Variants in ADAM19 observed in about 807,000 individuals in gnomAD.
ADAM19 encodes ADAM metallopeptidase domain 19, also known as disintegrin and metalloproteinase domain-containing protein 19.
Under a neutral mutation model 114.7 loss-of-function variants are expected in ADAM19, and 65 were observed. That is an observed-to-expected ratio of 0.57 (90% CI 0.46 to 0.70). The LOEUF is 0.70. Among genes scored for constraint, ADAM19 ranks in the 30% least tolerant of loss-of-function variants. The probability of loss-of-function intolerance (pLI) is 0.00; values close to 1 mark genes in which losing one functional copy is unlikely to be tolerated. For missense variants in ADAM19, 1,063 were observed against 1,204.7 expected (o/e 0.88, Z 1.74); for synonymous variants, 466 against 460.5 (o/e 1.01, Z -0.15).
At chr5:157,528,942 ATCAT>A (rs1354395984) in intron 5 of ADAM19, among the ~76,000 whole-genome samples, 2 of 152,230 alleles carry the variant, frequency 1.3e-5, no homozygotes, top group Admixed American at 1.3e-4. Flanking sequence ...GAAAAATGCA[ATCAT>A]TGAATGAATG....
intron 21 of ADAM19, among the ~76,000 whole-genome samples, chr5:157,485,616 C>T (rs1207022826): frequency 6.6e-6 from 1 of 152,236 alleles, no homozygotes; most frequent in Non-Finnish European, 1.5e-5. Context: ...TTTCCAGCCT[C>T]ATCTCATAGC....
At chr5:157,505,537 A>G (rs767273464) in intron 11 of ADAM19, 132 bp downstream of exon 11, 87 of 1,081,974 alleles carry the variant, frequency 8.0e-5, no homozygotes, top group Non-Finnish European at 9.3e-5. Context: ...TCTTTGTTGT[A>G]AAAACTACAT....
intron 5 of ADAM19, among the ~76,000 whole-genome samples, chr5:157,530,533 T>C (rs1011385456): frequency 1.3e-5 from 2 of 152,210 alleles, no homozygotes; most frequent in Non-Finnish European, 2.9e-5. Context: ...TCAATGGCAG[T>C]CATCTCCTGA....
At chr5:157,488,095 C>A (rs1206177619) in intron 21 of ADAM19, among the ~76,000 whole-genome samples, 170 bp downstream of exon 21, 2 of 152,176 alleles carry the variant, frequency 1.3e-5, no homozygotes, top group Non-Finnish European at 2.9e-5. Flanking sequence ...GAGTCTATTT[C>A]CCCACGTTCG....
At chr5:157,549,553 T>C (rs757656616) in intron 3 of ADAM19, among the ~76,000 whole-genome samples, 3 of 152,194 alleles carry the variant, frequency 2.0e-5, no homozygotes, top group Non-Finnish European at 4.4e-5. Context: ...CAAGACAATA[T>C]TTCAAGTAAC....
chr5:157,568,969 C>T (rs1375443905), intron 2 of ADAM19: 1 of 152,114 alleles, frequency 6.6e-6, no homozygotes, highest in Non-Finnish European at 1.5e-5. Context: ...TGTTCTCAGG[C>T]CCTTCCTGAG....
chr5:157,492,379 G>T (rs958683763), intron 16 of ADAM19, among the ~76,000 whole-genome samples: 1 of 152,116 alleles, frequency 6.6e-6, no homozygotes, highest in African/African-American at 2.4e-5. Context: ...ACAACGCTAA[G>T]GACAGGACAA....
intron 13 of ADAM19, among the ~76,000 whole-genome samples, chr5:157,497,315 T>A (rs116387981): frequency 7.0e-4 from 106 of 152,326 alleles, no homozygotes; most frequent in African/African-American, 2.4e-3. Context: ...TTTCTCTTCA[T>A]AGAAGTCTTA....
chr5:157,535,242 C>T (rs1756731076), intron 4 of ADAM19, among the ~76,000 whole-genome samples: 1 of 152,188 alleles, frequency 6.6e-6, no homozygotes, highest in Non-Finnish European at 1.5e-5. Context: ...GATTGCAAAC[C>T]CTGTCATCCT....
At chr5:157,528,273 G>A (rs945297645) in intron 5 of ADAM19, among the ~76,000 whole-genome samples, 1 of 152,210 alleles carries the variant, frequency 6.6e-6, no homozygotes, top group Non-Finnish European at 1.5e-5. Flanking sequence ...CTCACCAGAC[G>A]GAAGCATGCA....
rs1310776752 is a variant in ADAM19, at chr5:157,513,508, A to G, written c.667-3T>C. 1 of 1,613,820 alleles carries G rather than the reference A, an allele frequency of 6.2e-7. No homozygotes were observed. The highest frequency in any genetic ancestry group is 1.1e-5 in the South Asian group (1 of 91,070). On this transcript the variant is annotated splice_region_variant and splice_polypyrimidine_tract_variant and intron_variant, in intron 7 of 22. Transcript: ENST00000257527. ...TGGTCTCGTCGATTCTTCTGAAACT[A>G]AATGGGACAAGCAGAACCATGTGAG... is the stretch of plus-strand genomic sequence containing the variant.
chr5:157,540,017 T>C (rs1581340212), intron 3 of ADAM19, among the ~76,000 whole-genome samples: 1 of 152,204 alleles, frequency 6.6e-6, no homozygotes, highest in Non-Finnish European at 1.5e-5. Flanking sequence ...AACAAGTACA[T>C]GTATGTCTCT....
At chr5:157,486,245 C>T (rs1369237516) in intron 21 of ADAM19, among the ~76,000 whole-genome samples, 3 of 152,194 alleles carry the variant, frequency 2.0e-5, no homozygotes, top group Non-Finnish European at 4.4e-5. Flanking sequence ...GGCCTGGCAA[C>T]CTCCAAGAGA....
rs1188316032 is a variant in ADAM19 at position 157,519,839 on chromosome 5, C to G, written c.600G>C (p.Arg200Ser). ...FTQQTKKRPR[R>S]MKREDLNSMK... Reference sequence around the variant, plus strand: ...CTGCACTGAGAGCCTCAAAACTCACCCTGCGAGGTCGCTTCTTGGTCTGTT... The same window carrying G: ...CTGCACTGAGAGCCTCAAAACTCACGCTGCGAGGTCGCTTCTTGGTCTGTT... The change falls in exon 6 of 23, where the codon AGG becomes AGC. Residue 200 changes from arginine (R) to serine (S), a missense_variant and splice_region_variant. Transcript: ENST00000257527. The G allele has an allele frequency of 6.2e-7, 1 of 1,607,298 alleles. No homozygotes were observed. The highest frequency in any genetic ancestry group is 1.7e-5 in the Admixed American group (1 of 59,278).
intron 4 of ADAM19, among the ~76,000 whole-genome samples, chr5:157,531,536 GCA>G (rs869310563): frequency 4.7e-4 from 71 of 152,146 alleles, no homozygotes; most frequent in African/African-American, 1.7e-3. Context: ...ATGTGGTGGT[GCA>G]CACCTATAAT....
In ADAM19 at chr5:157,509,372, G is replaced by C. The variant is rs757328333; in HGVS notation, c.834C>G (p.Thr278=). The change falls in exon 9 of 23, where the codon ACC becomes ACG. Residue 278 remains threonine (T), a synonymous_variant. Transcript: ENST00000257527. ...MCEVSENPYS[T]LWSFLSWRRK... Reference sequence around the variant, plus strand: ...GCCTCCAACTGAGAAAGGACCAGAGGGTAGAATATGGATTCTCTGAAACTT... The same window carrying C: ...GCCTCCAACTGAGAAAGGACCAGAGCGTAGAATATGGATTCTCTGAAACTT... 1 of 1,613,696 alleles carries C rather than the reference G, an allele frequency of 6.2e-7. No individual in the cohort carries two copies. Among genetic ancestry groups the C allele is most frequent in the South Asian group, 1.1e-5 (1 of 90,938 alleles).
chr5:157,567,196 C>T (rs1757687710), intron 2 of ADAM19, among the ~76,000 whole-genome samples: 2 of 152,270 alleles, frequency 1.3e-5, no homozygotes, highest in Admixed American at 6.5e-5. Context: ...TTTGAGGTCA[C>T]CAAGGGCTCT....
At position 157,575,604 on chromosome 5, in the gene ADAM19, T is replaced by G. The variant is rs1352017105; in HGVS notation, c.93A>C (p.Thr31=). 6.8e-7 allele frequency: 1 copy of G among 1,464,042 alleles called. No individual in the cohort carries two copies. Among genetic ancestry groups the G allele is most frequent in the Non-Finnish European group, 9.0e-7 (1 of 1,114,332 alleles). 90.7% of individuals were successfully genotyped at this position (1,464,042 alleles called of 1,614,324 possible). A position where few individuals can be genotyped will look rare whatever the true frequency, so the allele number is the denominator to read the frequency against. ...RPRAAREPGW[T]RGSEEGSPKL... ...ATCCCCCCGCGCCTGGCCACTTACTTGTCCATCCAGGCTCCCGCGCCGCCC... is the reference window on the plus strand; with the variant it reads ...ATCCCCCCGCGCCTGGCCACTTACTGGTCCATCCAGGCTCCCGCGCCGCCC... The change falls in exon 1 of 23, where the codon ACA becomes ACC. Residue 31 remains threonine, a splice_region_variant and synonymous_variant. Coordinates refer to ENST00000257527, the MANE Select transcript of ADAM19 (RefSeq NM_033274.5).
At chr5:157,535,972 A>G (rs1425457606) in intron 4 of ADAM19, among the ~76,000 whole-genome samples, 1 of 152,226 alleles carries the variant, frequency 6.6e-6, no homozygotes, top group African/African-American at 2.4e-5. Flanking sequence ...AGAGGTCTCA[A>G]GAAGAGAGGA....
Sources: allele counts gnomAD v4.1 joint callset (sites outside exome capture counted in the v4.1 genomes callset), GRCh38; gene constraint gnomAD v4.1.1; transcripts MANE v1.5; gene names NCBI Gene and HGNC (gene_info 2026-07-23, HGNC 2026-07-21).